The following RAD17 variants were observed in gnomAD, a reference collection of about 807,000 sequenced individuals.
RAD17 encodes the protein RAD17 checkpoint clamp loader component, also known as cell cycle checkpoint protein RAD17.
RAD17 carries 31 observed loss-of-function variants against 81.5 expected under a neutral mutation model. The observed-to-expected ratio is 0.38, with a 90% CI of 0.29 to 0.51. The LOEUF is 0.51. Among genes scored for constraint, RAD17 ranks in the 20% least tolerant of loss-of-function variants. The pLI is 0.88. For missense variants in RAD17, 681 were observed against 781.2 expected (o/e 0.87, Z 1.53); for synonymous variants, 261 against 266.2 (o/e 0.98, Z 0.19).
At chr5:69,405,492 C>T (rs1245704675) in intron 17 of RAD17, among the ~76,000 whole-genome samples, 1 of 151,760 alleles carries the variant, frequency 6.6e-6, no homozygotes, top group Non-Finnish European at 1.5e-5. Context: ...CATGATGAAA[C>T]TCTGCCTCTA....
At position 69,414,146 on chromosome 5, in the gene RAD17, CA is replaced by C; in HGVS notation, c.1869del (p.Ala624ProfsTer11). ...AGAGGAATCTCTGGGTGAACCCACT[CA>C]AGCCACTGTGCCGGAAACCTGGTCT... ...SAEESLGEPT[Q>X]ATVPETWSLP... On this transcript the variant is annotated frameshift_variant, in exon 19 of 19. Coordinates refer to ENST00000354868, the MANE Select transcript of RAD17 (RefSeq NM_133338.3). LOFTEE classifies it low-confidence loss of function (END_TRUNC). 6.2e-7 allele frequency: 1 copy of C among 1,613,920 alleles called. No homozygotes were observed. The highest frequency in any genetic ancestry group is 1.3e-5 in the African/African-American group (1 of 75,056).
chr5:69,376,485 A>G (rs1433605228), intron 6 of RAD17, among the ~76,000 whole-genome samples: 1 of 152,240 alleles, frequency 6.6e-6, no homozygotes, highest in Non-Finnish European at 1.5e-5. Context: ...TTTTTTAAAA[A>G]ATAGACTTAT....
chr5:69,372,245 G>C (rs772436211), intron 4 of RAD17, 28 bp downstream of exon 4: 5 of 1,543,732 alleles, frequency 3.2e-6, no homozygotes, highest in Middle Eastern at 1.7e-4. Flanking sequence ...TTTTTCCAGT[G>C]GTCTTCCTTT....
At chr5:69,370,711 A>G (rs992191740) in intron 1 of RAD17, 1 of 153,594 alleles carries the variant, frequency 6.5e-6, no homozygotes. Flanking sequence ...TTCCACCTGT[A>G]TACCTTTTGA....
At chr5:69,396,597 A>G in intron 16 of RAD17, 51 bp downstream of exon 16, 3 of 1,426,778 alleles carry the variant, frequency 2.1e-6, no homozygotes, top group Non-Finnish European at 1.9e-6. Flanking sequence ...ACTTTATGGT[A>G]CGTGAATTAT....
chr5:69,374,533 T>A, intron 5 of RAD17, 95 bp from the exon 6 acceptor site: 1 of 736,118 alleles, frequency 1.4e-6, no homozygotes. Flanking sequence ...ATTTGCTACT[T>A]CTTTTCGTTA....
At position 69,371,041 on chromosome 5, in the gene RAD17, AATTCATGGT is replaced by A; in HGVS notation, c.-406_-398del. Reference sequence around the variant, plus strand: ...TTAAATTCTTCGTCCACAGCAAGTGAATTCATGGTATTTTACTTTTTTGGGAAATACTGG... The same window carrying A: ...TTAAATTCTTCGTCCACAGCAAGTGAATTTTACTTTTTTGGGAAATACTGG... On this transcript the variant is annotated 5_prime_UTR_variant, in exon 2 of 19. It removes an upstream start codon present in the reference 5' UTR. Coordinates refer to ENST00000354868, the MANE Select transcript of RAD17 (RefSeq NM_133338.3). 1 of 354,202 alleles carries A rather than the reference AATTCATGGT, an allele frequency of 2.8e-6. No homozygotes were observed. Among genetic ancestry groups the A allele is most frequent in the Non-Finnish European group, 5.7e-6 (1 of 176,474 alleles). 21.9% of individuals were successfully genotyped at this position (354,202 alleles called of 1,614,324 possible). A position where few individuals can be genotyped will look rare whatever the true frequency, so the allele number is the denominator to read the frequency against.
chr5:69,385,944 G>T, intron 8 of RAD17, 99 bp from the exon 9 acceptor site: 1 of 1,157,208 alleles, frequency 8.6e-7, no homozygotes, highest in South Asian at 2.4e-5. Context: ...AAAATACATT[G>T]AATAAATATA....
chr5:69,402,053 G>GT lies in RAD17; in HGVS notation c.1693+1895dup, dbSNP rs1177253691. On this transcript the variant is annotated intron_variant, in intron 17 of 18. Transcript: ENST00000354868. ...GATTACACTAGTTTTTAAACTTTTTGTTTTTTTTTTTGAGATGGAGTTTCA... is the reference window on the plus strand; with the variant it reads ...GATTACACTAGTTTTTAAACTTTTTGTTTTTTTTTTTTGAGATGGAGTTTCA... Among the ~76,000 whole-genome samples the GT allele has an allele frequency of 4.0e-3, 461 of 116,218 alleles. 3 individuals carry two copies. Among genetic ancestry groups the GT allele is most frequent in the African/African-American group, 9.8e-3 (318 of 32,518 alleles). 76.2% of individuals were successfully genotyped at this position (116,218 alleles called of 152,430 possible).
At chr5:69,407,434 T>G (rs1765673837) in intron 17 of RAD17, among the ~76,000 whole-genome samples, 1 of 152,140 alleles carries the variant, frequency 6.6e-6, no homozygotes, top group Non-Finnish European at 1.5e-5. Context: ...ATTATTTCTT[T>G]AAATATTTTT....
At position 69,407,562 on chromosome 5, in the gene RAD17, GTTTTTTTTTTTTTTTTTT is replaced by G. The variant is rs550222595; in HGVS notation, c.1694-2917_1694-2900del. On this transcript the variant is annotated intron_variant, in intron 17 of 18. Coordinates refer to ENST00000354868, the MANE Select transcript of RAD17 (RefSeq NM_133338.3). ...CTTCTATATGTCAATCTATGTCCAA[GTTTTTTTTTTTTTTTTTT>G]TTTTTTTTTTTTTGGAGACAGAGTC... 0.014 allele frequency among the ~76,000 whole-genome samples: 584 copies of G among 41,020 alleles called. 42 individuals are homozygous for G. In the Admixed American group the frequency reaches 0.17, roughly 12 times the overall value. 26.9% of individuals were successfully genotyped at this position (41,020 alleles called of 152,430 possible).
intron 17 of RAD17, among the ~76,000 whole-genome samples, chr5:69,409,409 TTCA>T (rs1398269490): frequency 1.3e-5 from 2 of 152,114 alleles, no homozygotes; most frequent in Non-Finnish European, 2.9e-5. Context: ...GAATGAAATG[TTCA>T]TCAAGCTGAG....
At chr5:69,407,002 T>A (rs1359984643) in intron 17 of RAD17, among the ~76,000 whole-genome samples, 94 of 138,406 alleles carry the variant, frequency 6.8e-4, no homozygotes, top group Non-Finnish European at 2.0e-4. Flanking sequence ...GTAGTAGATT[T>A]TTTTTTTTTT....
At chr5:69,379,831 T>G (rs997582729) in intron 6 of RAD17, among the ~76,000 whole-genome samples, 11 of 152,080 alleles carry the variant, frequency 7.2e-5, no homozygotes, top group African/African-American at 1.2e-4. Context: ...CAACAGTGCC[T>G]TCTTCTGCAG....
At chr5:69,411,424 T>A (rs1014798160) in intron 18 of RAD17, among the ~76,000 whole-genome samples, 8 of 151,912 alleles carry the variant, frequency 5.3e-5, no homozygotes, top group African/African-American at 1.9e-4. Context: ...AAAAAAGATT[T>A]AAAAAAATCT....
intron 4 of RAD17, 54 bp downstream of exon 4, chr5:69,372,271 A>T: frequency 7.3e-7 from 1 of 1,371,904 alleles, no homozygotes; most frequent in East Asian, 2.3e-5. Flanking sequence ...TCCACTGCCG[A>T]TAATATTCCT....
chr5:69,408,405 G>C (rs1447602648), intron 17 of RAD17, among the ~76,000 whole-genome samples: 1 of 151,894 alleles, frequency 6.6e-6, no homozygotes, highest in Non-Finnish European at 1.5e-5. Flanking sequence ...AGTTTACTTG[G>C]GATGATGGTG....
intron 15 of RAD17, 84 bp from the exon 16 acceptor site, chr5:69,396,313 G>A (rs559544809): frequency 1.5e-5 from 20 of 1,369,648 alleles, no homozygotes; most frequent in Middle Eastern, 5.1e-4. Context: ...AACTAAATAC[G>A]GTTAGTATTT....
rs925878215 is a variant in RAD17, at chr5:69,369,867, C to T, written c.-483C>T. On this transcript the variant is annotated 5_prime_UTR_variant, in exon 1 of 19. Coordinates refer to ENST00000354868, the MANE Select transcript of RAD17 (RefSeq NM_133338.3). ...AGCCCGGGTAGGGCCAGGTGGCTGCCCTTTCACCTAGGGTAGTCCCTGGTC... is the reference window on the plus strand; with the variant it reads ...AGCCCGGGTAGGGCCAGGTGGCTGCTCTTTCACCTAGGGTAGTCCCTGGTC... The T allele has an allele frequency of 4.4e-6, 3 of 675,818 alleles. No homozygotes were observed. The highest frequency in any genetic ancestry group is 2.9e-5 in the Admixed American group (1 of 34,310). The allele number at this position is 675,818 out of a possible 1,614,324, so 41.9% of individuals were successfully genotyped here.
Sources: gnomAD v4.1 joint callset for allele counts (sites outside exome capture counted in the v4.1 genomes callset) on GRCh38, gnomAD v4.1.1 for gene constraint, MANE v1.5 for transcripts, NCBI Gene and HGNC (gene_info 2026-07-23, HGNC 2026-07-21) for gene names.